Variants in NEK1 observed in about 807,000 individuals in gnomAD.
NEK1 encodes the protein NIMA related kinase 1.
NEK1 carries 137 observed loss-of-function variants against 182.1 expected under a neutral mutation model. That is an observed-to-expected ratio of 0.75 (90% CI 0.65 to 0.87). The LOEUF is 0.87. Among genes scored for constraint, NEK1 ranks in the 40% least tolerant of loss-of-function variants. NEK1 has a pLI of 0.00. For synonymous variants in NEK1, 513 were observed against 492.2 expected (o/e 1.04, Z -0.56); for missense variants, 1,391 against 1,494.4 (o/e 0.93, Z 1.14).
At chr4:169,409,918 C>A (rs961673543) in intron 31 of NEK1, among the ~76,000 whole-genome samples, 2 of 152,092 alleles carry the variant, frequency 1.3e-5, no homozygotes, top group African/African-American at 4.8e-5. Context: ...TCAGAAATGT[C>A]TATTAATGCC....
intron 18 of NEK1, among the ~76,000 whole-genome samples, chr4:169,539,978 T>A (rs1759148266): frequency 1.3e-5 from 2 of 152,164 alleles, no homozygotes; most frequent in Non-Finnish European, 2.9e-5. Flanking sequence ...AACCTGGTCA[T>A]CTGTATAACA....
chr4:169,530,533 A>T (rs1208940718), intron 19 of NEK1, among the ~76,000 whole-genome samples: 1 of 152,208 alleles, frequency 6.6e-6, no homozygotes, highest in Non-Finnish European at 1.5e-5. Context: ...AAGGTAGGCC[A>T]GGCTAAGCCA....
intron 19 of NEK1, among the ~76,000 whole-genome samples, chr4:169,526,879 C>T (rs537052845): frequency 8.1e-4 from 124 of 152,210 alleles, no homozygotes; most frequent in Admixed American, 1.4e-3. Context: ...AGAGAAAGAG[C>T]GCAGTGTTGG....
chr4:169,395,860 T>C (rs761493454), intron 35 of NEK1, among the ~76,000 whole-genome samples: 4 of 152,222 alleles, frequency 2.6e-5, no homozygotes, highest in Non-Finnish European at 4.4e-5. Flanking sequence ...TTTTATTACG[T>C]ACATGCACAT....
At chr4:169,526,259 T>C (rs1283391825) in intron 19 of NEK1, among the ~76,000 whole-genome samples, 1 of 152,100 alleles carries the variant, frequency 6.6e-6, no homozygotes, top group Non-Finnish European at 1.5e-5. Flanking sequence ...TAGACTGACA[T>C]GGGAGGATAA....
In NEK1 at chr4:169,541,910, T is replaced by C. The variant is rs143936453; in HGVS notation, c.1563-3999A>G. 8.4e-4 allele frequency among the ~76,000 whole-genome samples: 128 copies of C among 152,286 alleles called. 3 individuals are homozygous for C. In the East Asian group the frequency reaches 0.019, roughly 23 times the overall value. On this transcript the variant is annotated intron_variant, in intron 18 of 35. Coordinates refer to ENST00000507142, the MANE Select transcript of NEK1 (RefSeq NM_001199397.3). The stretch of plus-strand genomic sequence containing the variant: ...GAACAGTCCTCATATCTGACCGAAA[T>C]GTGTCTTTATATTTCCACCCTGGGT...
At chr4:169,546,902 C>T (rs1369144405) in intron 18 of NEK1, among the ~76,000 whole-genome samples, 1 of 152,206 alleles carries the variant, frequency 6.6e-6, no homozygotes, top group Admixed American at 6.5e-5. Flanking sequence ...GAATACAGCA[C>T]ACTGATGGGT....
intron 23 of NEK1, among the ~76,000 whole-genome samples, chr4:169,503,964 C>T (rs918632968): frequency 6.6e-5 from 10 of 151,978 alleles, no homozygotes; most frequent in South Asian, 2.1e-4. Context: ...AGAAAATATC[C>T]GCAAACTACC....
At chr4:169,547,907 G>T (rs1017602363) in intron 18 of NEK1, among the ~76,000 whole-genome samples, 4 of 152,008 alleles carry the variant, frequency 2.6e-5, no homozygotes, top group Non-Finnish European at 5.9e-5. Context: ...CCTTGCATTG[G>T]GTTAGAACAT....
chr4:169,512,891 A>G (rs1754416544), intron 19 of NEK1, among the ~76,000 whole-genome samples: 1 of 152,092 alleles, frequency 6.6e-6, no homozygotes, highest in Non-Finnish European at 1.5e-5. Flanking sequence ...TTTGTCAAGA[A>G]TCAGTTAGGC....
intron 35 of NEK1, among the ~76,000 whole-genome samples, chr4:169,395,626 T>C (rs1265527942): frequency 6.6e-6 from 1 of 152,250 alleles, no homozygotes; most frequent in East Asian, 1.9e-4. Context: ...TATAATTTAC[T>C]TACTTTTCAA....
chr4:169,608,124 C>CAA (rs1233365738), intron 2 of NEK1, among the ~76,000 whole-genome samples: 1 of 151,390 alleles, frequency 6.6e-6, no homozygotes, highest in Non-Finnish European at 1.5e-5. Flanking sequence ...CATACACACA[C>CAA]ACACACACAC....
rs201151434 is a variant in NEK1, at chr4:169,445,865, T to TAC, written c.2588-7608_2588-7607dup. Among the ~76,000 whole-genome samples, 1,024 of 143,236 alleles carry TAC rather than the reference T, an allele frequency of 7.1e-3. 17 individuals carry two copies. The highest frequency in any genetic ancestry group is 0.022 in the East Asian group (109 of 5,052). 94.0% of individuals were successfully genotyped at this position (143,236 alleles called of 152,430 possible). ...AACTATATACATATATATATATATA[T>TAC]ACACACACACACACACACACATGCA... is the stretch of plus-strand genomic sequence containing the variant. On this transcript the variant is annotated intron_variant, in intron 27 of 35. Transcript: ENST00000507142.
At chr4:169,561,157 A>G (rs922161619) in intron 16 of NEK1, among the ~76,000 whole-genome samples, 26 of 152,214 alleles carry the variant, frequency 1.7e-4, no homozygotes, top group African/African-American at 6.0e-4. Context: ...CTTCAAGGCT[A>G]CATGAAATTA....
chr4:169,545,174 G>A (rs886372944), intron 18 of NEK1, among the ~76,000 whole-genome samples: 25 of 148,604 alleles, frequency 1.7e-4, no homozygotes, highest in African/African-American at 6.2e-4. Flanking sequence ...TCTAGCCTTA[G>A]ATATATCTCC....
chr4:169,538,011 T>A, intron 18 of NEK1, 100 bp from the exon 19 acceptor site: 2 of 705,402 alleles, frequency 2.8e-6, no homozygotes, highest in East Asian at 2.6e-5. Context: ...TTTCAGAATA[T>A]GAAGGCTGAT....
chr4:169,409,891 T>A (rs1288790074), intron 31 of NEK1, among the ~76,000 whole-genome samples: 1 of 152,220 alleles, frequency 6.6e-6, no homozygotes, highest in Non-Finnish European at 1.5e-5. Flanking sequence ...TTCATATGTT[T>A]CTTGTTTATA....
intron 16 of NEK1, among the ~76,000 whole-genome samples, chr4:169,558,139 T>A (rs1023357878): frequency 2.0e-5 from 3 of 152,192 alleles, no homozygotes; most frequent in African/African-American, 4.8e-5. Context: ...GGTTACTCTT[T>A]GAATTTAGCC....
At chr4:169,422,280 G>A (rs1300819099) in intron 31 of NEK1, among the ~76,000 whole-genome samples, 1 of 152,258 alleles carries the variant, frequency 6.6e-6, no homozygotes, top group East Asian at 1.9e-4. Context: ...TTGCAAAAGG[G>A]GATAGAGAAA....
Sources: allele counts gnomAD v4.1 joint callset (sites outside exome capture counted in the v4.1 genomes callset), GRCh38; gene constraint gnomAD v4.1.1; transcripts MANE v1.5; gene names NCBI Gene and HGNC (gene_info 2026-07-23, HGNC 2026-07-21).